Variants in SEC11A observed in about 807,000 individuals in gnomAD.
SEC11A encodes the protein SEC11 homolog A, signal peptidase complex subunit.
SEC11A carries 14 observed loss-of-function variants against 25.6 expected under a neutral mutation model. The ratio of observed to expected loss-of-function variants is 0.55; its 90% CI spans 0.36 to 0.85. SEC11A has a LOEUF of 0.85. SEC11A is among the 40% of genes least tolerant of loss of function. SEC11A has a pLI of 0.01. For synonymous variants in SEC11A, 83 were observed against 76.4 expected, an observed-to-expected ratio of 1.09 and a Z score of -0.45; for missense variants, 153 against 222.9, an observed-to-expected ratio of 0.69 and a Z score of 2.00.
At chr15:84,703,732 G>A (rs965884311) in intron 1 of SEC11A, among the ~76,000 whole-genome samples, 11 of 152,184 alleles carry the variant, frequency 7.2e-5, no homozygotes, top group African/African-American at 2.4e-4. Context: ...GATGGACAGC[G>A]ACTTGGAGGG....
intron 4 of SEC11A, among the ~76,000 whole-genome samples, chr15:84,674,965 T>G (rs972362179): frequency 6.6e-6 from 1 of 152,158 alleles, no homozygotes; most frequent in Non-Finnish European, 1.5e-5. Context: ...TCCCAGAATA[T>G]GACGAGGCAG....
rs535459043 is a variant in SEC11A, at chr15:84,702,351, C to T, written c.52-10707G>A. Among the ~76,000 whole-genome samples, 5 of 151,568 alleles carry T rather than the reference C, an allele frequency of 3.3e-5. No homozygotes were observed. The East Asian group carries it at 7.8e-4, about 24-fold the overall frequency. On this transcript the variant is annotated intron_variant, in intron 1 of 5. Transcript: ENST00000268220. ...TGGCGGGCACCCGTAATCCCAGCTACTCGGGAGGCTGAGGCAGGAGAATCA... is the reference window on the plus strand; with the variant it reads ...TGGCGGGCACCCGTAATCCCAGCTATTCGGGAGGCTGAGGCAGGAGAATCA...
At chr15:84,694,821 G>C (rs1252718039) in intron 1 of SEC11A, among the ~76,000 whole-genome samples, 1 of 152,068 alleles carries the variant, frequency 6.6e-6, no homozygotes, top group East Asian at 1.9e-4. Flanking sequence ...GCCGAGTGCA[G>C]TGGCTCACGC....
At chr15:84,677,099 A>G (rs1194306847) in intron 4 of SEC11A, among the ~76,000 whole-genome samples, 1 of 152,170 alleles carries the variant, frequency 6.6e-6, no homozygotes, top group African/African-American at 2.4e-5. Flanking sequence ...TCAAGAAAAA[A>G]AAAAGCATGA....
chr15:84,688,246 A>T (rs1897487964), intron 2 of SEC11A, among the ~76,000 whole-genome samples: 1 of 152,240 alleles, frequency 6.6e-6, no homozygotes, highest in Admixed American at 6.5e-5. Flanking sequence ...CTCATTTAGA[A>T]GGAAAAATGG....
chr15:84,707,592 G>T (rs761734236), intron 1 of SEC11A, among the ~76,000 whole-genome samples: 3 of 152,230 alleles, frequency 2.0e-5, no homozygotes, highest in Admixed American at 6.5e-5. Flanking sequence ...AAATTTTCCA[G>T]TTAAGGAGTA....
Position 84,691,609 on chromosome 15 carries a change from G to C in SEC11A, c.87C>G (p.Val29=). 6.2e-7 allele frequency: 1 copy of C among 1,612,604 alleles called. No homozygotes were observed. Among genetic ancestry groups the C allele is most frequent in the African/African-American group, 1.3e-5 (1 of 74,964 alleles). The change falls in exon 2 of 6, where the codon GTC becomes GTG. Residue 29 remains valine (V), a synonymous_variant. Coordinates refer to ENST00000268220, the MANE Select transcript of SEC11A (RefSeq NM_014300.4). ...YYQVLNFGMI[V]SSALMIWKGL... ...CCTTCCAGATCATTAGTGCCGATGA[G>C]ACAATCATTCCAAAATTTAGGACTT...
At chr15:84,681,207 G>A (rs924473396) in intron 3 of SEC11A, among the ~76,000 whole-genome samples, 2 of 152,072 alleles carry the variant, frequency 1.3e-5, no homozygotes, top group African/African-American at 4.8e-5. Flanking sequence ...AAAGAACAAA[G>A]GAACACAATA....
At chr15:84,683,691 A>G (rs1897338305) in intron 3 of SEC11A, among the ~76,000 whole-genome samples, 1 of 151,952 alleles carries the variant, frequency 6.6e-6, no homozygotes, top group Non-Finnish European at 1.5e-5. Flanking sequence ...TGCCCAGTTA[A>G]TTTTTGTATT....
At position 84,702,075 on chromosome 15, in the gene SEC11A, G is replaced by GATAATAATA. The variant is rs555564613; in HGVS notation, c.52-10440_52-10432dup. ...AGCGAGAGTCTGTCTCAATAACAAT[G>GATAATAATA]ATAATAATAATAATAATAATAGGGA... On this transcript the variant is annotated intron_variant, in intron 1 of 5. Coordinates refer to ENST00000268220, the MANE Select transcript of SEC11A (RefSeq NM_014300.4). 2.0e-5 allele frequency among the ~76,000 whole-genome samples: 3 copies of GATAATAATA among 150,054 alleles called. No homozygotes were observed. In the South Asian group the frequency reaches 6.3e-4, roughly 32 times the overall value.
intron 4 of SEC11A, among the ~76,000 whole-genome samples, chr15:84,679,037 C>A (rs569105299): frequency 5.3e-5 from 8 of 149,548 alleles, no homozygotes; most frequent in African/African-American, 1.5e-4. Context: ...ATATTTTTAT[C>A]TCTACACACA....
Position 84,675,187 on chromosome 15 carries a change from A to G in SEC11A, c.432-4405T>C, listed in dbSNP as rs902679890. On this transcript the variant is annotated intron_variant, in intron 4 of 5. Transcript: ENST00000268220. ...AGGAGGTTTAAAGTAAGTAAAATGA[A>G]TGCCATCCACAAAGCCAACTCCAAC... 2.0e-5 allele frequency among the ~76,000 whole-genome samples: 3 copies of G among 152,254 alleles called. No individual in the cohort carries two copies. In the South Asian group the frequency reaches 6.2e-4, roughly 31 times the overall value.
chr15:84,703,698 C>A (rs1898014577), intron 1 of SEC11A, among the ~76,000 whole-genome samples: 1 of 152,142 alleles, frequency 6.6e-6, no homozygotes, highest in Admixed American at 6.6e-5. Flanking sequence ...TACATTGATT[C>A]AAAAATGACT....
chr15:84,670,758 C>T lies in SEC11A; in HGVS notation c.456G>A (p.Val152=), dbSNP rs1051027278. 1.4e-6 allele frequency: 2 copies of T among 1,460,362 alleles called. No individual in the cohort carries two copies. Among genetic ancestry groups the T allele is most frequent in the East Asian group, 4.7e-5 (2 of 42,578 alleles). 90.5% of individuals were successfully genotyped at this position (1,460,362 alleles called of 1,614,324 possible). The change falls in exon 5 of 6, where the codon GTG becomes GTA. Residue 152 remains valine (V), a synonymous_variant. Transcript: ENST00000268220. ...TAGGATAGTCATTCATGAGGATCGT[C>T]ACAATTCCAATATAAGGAACAAATC... ...ARGFVPYIGI[V]TILMNDYPKF...
At position 84,705,547 on chromosome 15, in the gene SEC11A, A is replaced by C. The variant is rs59712840; in HGVS notation, c.51+10478T>G. Among the ~76,000 whole-genome samples, 1,401 of 152,130 alleles carry C rather than the reference A, an allele frequency of 9.2e-3. 22 individuals carry two copies. Among genetic ancestry groups the C allele is most frequent in the African/African-American group, 0.032 (1,344 of 41,508 alleles). On this transcript the variant is annotated intron_variant, in intron 1 of 5. Transcript: ENST00000268220. ...ACTCCTCTCATTATTACCCCTAATG[A>C]TCTGGTAGCGAAATTTCTGCTTCCA...
chr15:84,672,425 C>G (rs1897010479), intron 4 of SEC11A: 1 of 160,926 alleles, frequency 6.2e-6, no homozygotes, highest in Admixed American at 6.5e-5. Context: ...CGCCGCCACG[C>G]CTGACTGGTT....
In SEC11A at chr15:84,700,936, C is replaced by T. The variant is rs192186682; in HGVS notation, c.52-9292G>A. Among the ~76,000 whole-genome samples the T allele has an allele frequency of 2.4e-3, 340 of 143,384 alleles. 3 individuals are homozygous for T. Among genetic ancestry groups the T allele is most frequent in the African/African-American group, 8.4e-3 (326 of 38,668 alleles). The allele number at this position is 143,384 out of a possible 152,430, so 94.1% of individuals were successfully genotyped here. ...CAGAGGTTGCAGTAAGCCGACATCA[C>T]GCCATTGCATGTACTCCTACCTGGG... On this transcript the variant is annotated intron_variant, in intron 1 of 5. Coordinates refer to ENST00000268220, the MANE Select transcript of SEC11A (RefSeq NM_014300.4).
chr15:84,675,985 C>G (rs992353525), intron 4 of SEC11A, among the ~76,000 whole-genome samples: 5 of 151,988 alleles, frequency 3.3e-5, no homozygotes, highest in Non-Finnish European at 5.9e-5. Context: ...AGTGGCTGTC[C>G]GAGGCTACAG....
At chr15:84,695,839 A>T (rs1442230792) in intron 1 of SEC11A, among the ~76,000 whole-genome samples, 2 of 152,242 alleles carry the variant, frequency 1.3e-5, no homozygotes, top group African/African-American at 2.4e-5. Context: ...ACAGACAAGA[A>T]ACTGGAGAAA....
Sources: gnomAD v4.1 joint callset for allele counts (sites outside exome capture counted in the v4.1 genomes callset) on GRCh38, gnomAD v4.1.1 for gene constraint, MANE v1.5 for transcripts, NCBI Gene and HGNC (gene_info 2026-07-23, HGNC 2026-07-21) for gene names.